ERC1: variants seen among roughly 807,000 people sequenced by gnomAD.
ERC1 encodes ELKS/RAB6-interacting/CAST family member 1.
A neutral mutation model predicts 132.0 loss-of-function variants in ERC1; 56 were observed. The ratio of observed to expected loss-of-function variants is 0.42; its 90% CI spans 0.34 to 0.53. The LOEUF is 0.53. Among genes scored for constraint, ERC1 ranks in the 20% least tolerant of loss-of-function variants. The probability of loss-of-function intolerance (pLI) is 0.03; values close to 1 mark genes in which losing one functional copy is unlikely to be tolerated. For synonymous variants in ERC1, 478 were observed against 476.1 expected (o/e 1.00, Z -0.05); for missense variants, 1,202 against 1,349.9 (o/e 0.89, Z 1.72).
intron 2 of ERC1, among the ~76,000 whole-genome samples, chr12:1,029,185 C>T (rs1471336699): frequency 6.6e-6 from 1 of 151,964 alleles, no homozygotes; most frequent in African/African-American, 2.4e-5. Context: ...AACCCTGACT[C>T]TACTAAAAAT....
chr12:1,145,080 A>G (rs1372271011), intron 8 of ERC1, among the ~76,000 whole-genome samples: 2 of 151,720 alleles, frequency 1.3e-5, no homozygotes, highest in African/African-American at 4.8e-5. Context: ...GAAGTGGTGC[A>G]ATCTCGGCTC....
chr12:1,154,532 G>A (rs893720437), intron 8 of ERC1, among the ~76,000 whole-genome samples: 1 of 151,722 alleles, frequency 6.6e-6, no homozygotes, highest in South Asian at 2.1e-4. Context: ...GATCTCAAAA[G>A]CACAACAAAA....
chr12:1,055,249 T>C (rs1441551022), intron 2 of ERC1, among the ~76,000 whole-genome samples: 1 of 152,074 alleles, frequency 6.6e-6, no homozygotes, highest in East Asian at 1.9e-4. Context: ...GCGCGATCTC[T>C]GTTCACTGCA....
intron 6 of ERC1, among the ~76,000 whole-genome samples, chr12:1,114,912 T>C (rs937465556): frequency 6.6e-6 from 1 of 152,222 alleles, no homozygotes; most frequent in African/African-American, 2.4e-5. Flanking sequence ...TTTTAATTAA[T>C]GTGAAATTTA....
At chr12:1,120,059 C>T (rs1303515473) in intron 7 of ERC1, among the ~76,000 whole-genome samples, 1 of 152,032 alleles carries the variant, frequency 6.6e-6, no homozygotes, top group Non-Finnish European at 1.5e-5. Flanking sequence ...TTGATCATAG[C>T]TCACTGTAAC....
intron 12 of ERC1, among the ~76,000 whole-genome samples, chr12:1,216,596 T>TGGGGTCGGGGAGGAGGGATG (rs1555310891): frequency 0.012 from 66 of 5,410 alleles, no homozygotes; most frequent in African/African-American, 0.051. Context: ...ATAGCCTTGG[T>TGGGGTCGGGGAGGAGGGATG]GGGGTCGGGG....
intron 17 of ERC1, among the ~76,000 whole-genome samples, chr12:1,417,081 C>T: frequency 6.6e-6 from 1 of 152,146 alleles, no homozygotes; most frequent in East Asian, 1.9e-4. Context: ...ATAGTGTTTC[C>T]TCTATATGCT....
chr12:1,140,145 T>A (rs748660183), intron 7 of ERC1, among the ~76,000 whole-genome samples: 17 of 152,158 alleles, frequency 1.1e-4, no homozygotes, highest in Non-Finnish European at 1.8e-4. Flanking sequence ...CTATGGTTTA[T>A]CTACATGTTT....
chr12:1,205,409 G>T (rs1224531573), intron 12 of ERC1, among the ~76,000 whole-genome samples: 1 of 141,962 alleles, frequency 7.0e-6, no homozygotes, highest in African/African-American at 2.6e-5. Context: ...GTGTGTGTGT[G>T]TGTGTATATA....
chr12:1,216,088 C>CT (rs1003553297), intron 12 of ERC1, among the ~76,000 whole-genome samples: 2 of 151,564 alleles, frequency 1.3e-5, no homozygotes, highest in African/African-American at 4.8e-5. Flanking sequence ...TACAAGTTAC[C>CT]TTTTTTTTGG....
chr12:1,209,920 G>A (rs928428827), intron 12 of ERC1, among the ~76,000 whole-genome samples: 1 of 152,162 alleles, frequency 6.6e-6, no homozygotes, highest in Non-Finnish European at 1.5e-5. Context: ...CTTGGGTTTA[G>A]GATATCAAGG....
intron 15 of ERC1, among the ~76,000 whole-genome samples, chr12:1,348,933 G>T (rs956892413): frequency 6.6e-6 from 1 of 151,986 alleles, no homozygotes; most frequent in Admixed American, 6.6e-5. Context: ...TGCCATGCTC[G>T]TATTTCTGCA....
At chr12:1,443,604 C>CT (rs2093223490) in intron 17 of ERC1, 1 of 152,338 alleles carries the variant, frequency 6.6e-6, no homozygotes, top group Non-Finnish European at 1.5e-5. Flanking sequence ...GTGCTCACAG[C>CT]TGCTGTGTGT....
chr12:1,285,663 T>C (rs937344240), intron 14 of ERC1, among the ~76,000 whole-genome samples: 13 of 152,144 alleles, frequency 8.5e-5, no homozygotes, highest in Non-Finnish European at 1.5e-4. Context: ...TAAAAATTTT[T>C]CCTACAAATT....
intron 15 of ERC1, among the ~76,000 whole-genome samples, chr12:1,308,759 C>T (rs993191261): frequency 3.3e-5 from 5 of 152,236 alleles, no homozygotes; most frequent in African/African-American, 1.2e-4. Context: ...CCACTGCCAA[C>T]TTCATTTCTT....
intron 13 of ERC1, among the ~76,000 whole-genome samples, chr12:1,247,372 A>G (rs185961869): frequency 7.5e-4 from 114 of 152,364 alleles, no homozygotes; most frequent in African/African-American, 2.5e-3. Context: ...TGATCATCTT[A>G]CTATGGTTAT....
chr12:1,266,682 G>T (rs1326266100), intron 14 of ERC1, among the ~76,000 whole-genome samples: 1 of 152,034 alleles, frequency 6.6e-6, no homozygotes, highest in African/African-American at 2.4e-5. Flanking sequence ...TGGGATTACA[G>T]GTGTAAGTCA....
At chr12:1,121,801 A>C (rs867780817) in intron 7 of ERC1, among the ~76,000 whole-genome samples, 2 of 12,456 alleles carry the variant, frequency 1.6e-4, no homozygotes, top group African/African-American at 4.4e-4. Context: ...CTCTATCTCT[A>C]TCTCTATCTC....
At chr12:1,105,893 A>G (rs1454338516) in intron 4 of ERC1, among the ~76,000 whole-genome samples, 5 of 152,218 alleles carry the variant, frequency 3.3e-5, no homozygotes, top group Non-Finnish European at 7.3e-5. Flanking sequence ...GGAAAAGTCA[A>G]GTGACATCAT....
Sources: allele counts gnomAD v4.1 joint callset (sites outside exome capture counted in the v4.1 genomes callset), GRCh38; gene constraint gnomAD v4.1.1; transcripts MANE v1.5; gene names NCBI Gene and HGNC (gene_info 2026-07-23, HGNC 2026-07-21).